Variants in LUZP2 observed in about 807,000 individuals in gnomAD.
The protein encoded by LUZP2 is leucine zipper protein 2.
In LUZP2, 52 loss-of-function variants were observed where a neutral mutation model predicts 51.6. That is an observed-to-expected ratio of 1.01 (90% CI 0.81 to 1.27). The LOEUF is 1.27. Among genes scored for constraint, LUZP2 ranks in the 50% most tolerant of loss-of-function variants. The pLI is 0.00. For missense variants in LUZP2, 436 were observed against 395.4 expected (o/e 1.10, Z -0.87); for synonymous variants, 154 against 137.3 (o/e 1.12, Z -0.85).
intron 1 of LUZP2, among the ~76,000 whole-genome samples, chr11:24,589,531 T>C (rs1853188107): frequency 6.6e-6 from 1 of 152,192 alleles, no homozygotes; most frequent in South Asian, 2.1e-4. Flanking sequence ...AGTTTATTGC[T>C]AAGGCAGATT....
At chr11:25,025,724 A>C (rs1277946928) in intron 9 of LUZP2, among the ~76,000 whole-genome samples, 1 of 152,176 alleles carries the variant, frequency 6.6e-6, no homozygotes, top group Non-Finnish European at 1.5e-5. Flanking sequence ...CCCTTGTGGA[A>C]GACAGTGTGG....
intron 5 of LUZP2, among the ~76,000 whole-genome samples, chr11:24,810,705 T>A (rs1270485326): frequency 6.6e-6 from 1 of 152,148 alleles, no homozygotes; most frequent in Non-Finnish European, 1.5e-5. Flanking sequence ...GGAGTTACTG[T>A]CAAGAACAGA....
intron 5 of LUZP2, among the ~76,000 whole-genome samples, chr11:24,861,141 G>A (rs1424428038): frequency 6.6e-6 from 1 of 152,110 alleles, no homozygotes; most frequent in Non-Finnish European, 1.5e-5. Context: ...CACAGCATGA[G>A]AACTTCGTGA....
intron 9 of LUZP2, among the ~76,000 whole-genome samples, chr11:25,043,300 G>C (rs969215281): frequency 6.6e-6 from 1 of 151,810 alleles, no homozygotes; most frequent in Non-Finnish European, 1.5e-5. Context: ...TATCTTTTGG[G>C]GACCTCCACA....
At chr11:24,752,552 C>T (rs1356579331) in intron 4 of LUZP2, among the ~76,000 whole-genome samples, 5 of 151,910 alleles carry the variant, frequency 3.3e-5, no homozygotes, top group Middle Eastern at 3.4e-3. Flanking sequence ...GAAACAGAGC[C>T]GAAGAGGGGA....
At chr11:24,672,787 G>C (rs552239165) in intron 1 of LUZP2, among the ~76,000 whole-genome samples, 27 of 152,300 alleles carry the variant, frequency 1.8e-4, no homozygotes, top group African/African-American at 6.0e-4. Flanking sequence ...AACCTGTACA[G>C]CACATTGCTT....
chr11:24,876,560 AG>A (rs1482751594), intron 5 of LUZP2, among the ~76,000 whole-genome samples: 13 of 148,266 alleles, frequency 8.8e-5, no homozygotes, highest in Non-Finnish European at 1.8e-4. Context: ...CTTTTGGCTT[AG>A]GATTGACTTG....
At chr11:24,866,293 G>C (rs1754545643) in intron 5 of LUZP2, among the ~76,000 whole-genome samples, 1 of 152,080 alleles carries the variant, frequency 6.6e-6, no homozygotes, top group Non-Finnish European at 1.5e-5. Flanking sequence ...GAGTATGGCT[G>C]ACAGAAAAAG....
intron 1 of LUZP2, among the ~76,000 whole-genome samples, chr11:24,537,944 T>C (rs949894348): frequency 2.6e-5 from 4 of 151,924 alleles, no homozygotes; most frequent in Non-Finnish European, 5.9e-5. Context: ...GACACAGTAT[T>C]GAGCTATTTG....
intron 1 of LUZP2, among the ~76,000 whole-genome samples, chr11:24,561,696 T>G (rs1455785134): frequency 6.6e-6 from 1 of 151,880 alleles, no homozygotes; most frequent in African/African-American, 2.4e-5. Context: ...AGGAGAGGGA[T>G]AGCATTAGGA....
chr11:24,671,544 TA>T (rs1856401686), intron 1 of LUZP2, among the ~76,000 whole-genome samples: 2 of 145,760 alleles, frequency 1.4e-5, no homozygotes, highest in South Asian at 4.4e-4. Flanking sequence ...TTCACCTAAT[TA>T]TTTTTCTCTC....
intron 1 of LUZP2, among the ~76,000 whole-genome samples, chr11:24,573,153 A>G (rs1475382042): frequency 6.6e-6 from 1 of 152,036 alleles, no homozygotes; most frequent in East Asian, 1.9e-4. Flanking sequence ...GGAAGATACC[A>G]GAGTAACAAG....
chr11:24,681,304 C>T (rs1856730831), intron 1 of LUZP2, among the ~76,000 whole-genome samples: 1 of 152,072 alleles, frequency 6.6e-6, no homozygotes, highest in Admixed American at 6.5e-5. Context: ...TCTCTAAGAC[C>T]ATGTTTCTAA....
rs189172588 is a variant in LUZP2 at position 24,620,153 on chromosome 11, C to T, written c.63-109016C>T. Among the ~76,000 whole-genome samples, 983 of 152,196 alleles carry T rather than the reference C, an allele frequency of 6.5e-3. 3 individuals carry two copies. Among genetic ancestry groups the T allele is most frequent in the Non-Finnish European group, 0.011 (756 of 67,990 alleles). ...AGCCAAAATCTAATTATCTGTAATT[C>T]CACAGAAAACAGTCAACTGAAATAA... On this transcript the variant is annotated intron_variant, in intron 1 of 11. Transcript: ENST00000336930.
intron 1 of LUZP2, among the ~76,000 whole-genome samples, chr11:24,607,879 C>T (rs189420735): frequency 1.3e-5 from 2 of 149,716 alleles, no homozygotes; most frequent in African/African-American, 2.5e-5. Flanking sequence ...GACGGAGTCT[C>T]GCTCTGTCAC....
chr11:24,873,845 A>G (rs920044003), intron 5 of LUZP2, among the ~76,000 whole-genome samples: 1 of 152,156 alleles, frequency 6.6e-6, no homozygotes, highest in Non-Finnish European at 1.5e-5. Flanking sequence ...AAATAGAAAA[A>G]CTACATCTTG....
At chr11:24,861,261 A>T (rs1467158891) in intron 5 of LUZP2, among the ~76,000 whole-genome samples, 1 of 152,196 alleles carries the variant, frequency 6.6e-6, no homozygotes, top group Non-Finnish European at 1.5e-5. Flanking sequence ...GGAAAAAAGA[A>T]TGAAAAGGAA....
At chr11:24,720,678 C>T (rs560608611) in intron 1 of LUZP2, among the ~76,000 whole-genome samples, 1 of 132,632 alleles carries the variant, frequency 7.5e-6, no homozygotes, top group Admixed American at 7.4e-5. Flanking sequence ...GGATCAAATT[C>T]AGACCTGTTC....
intron 1 of LUZP2, among the ~76,000 whole-genome samples, chr11:24,530,234 C>T (rs1474191101): frequency 6.6e-6 from 1 of 150,792 alleles, no homozygotes; most frequent in African/African-American, 2.4e-5. Context: ...ACACTATTCT[C>T]ATTAATTTGG....
Sources: allele counts gnomAD v4.1 joint callset (sites outside exome capture counted in the v4.1 genomes callset), GRCh38; gene constraint gnomAD v4.1.1; transcripts MANE v1.5; gene names NCBI Gene and HGNC (gene_info 2026-07-23, HGNC 2026-07-21).